Variants in HTT observed in about 807,000 individuals in gnomAD.
The protein encoded by HTT is huntington disease protein.
A neutral mutation model predicts 362.3 loss-of-function variants in HTT; 104 were observed. The observed-to-expected ratio is 0.29, with a 90% CI of 0.24 to 0.34. The LOEUF (loss-of-function observed/expected upper bound fraction) is 0.34, where lower values mean the gene tolerates loss of function less well. Among genes scored for constraint, HTT ranks in the 10% least tolerant of loss-of-function variants. The pLI, the probability that HTT is intolerant of heterozygous loss-of-function variation, is 1.00. For missense variants in HTT, 3,301 were observed against 3,928.6 expected (o/e 0.84, Z 4.27); for synonymous variants, 1,577 against 1,548.7 (o/e 1.02, Z -0.43).
At chr4:3,171,179 A>G (rs920531869) in intron 29 of HTT, among the ~76,000 whole-genome samples, 1 of 152,240 alleles carries the variant, frequency 6.6e-6, no homozygotes, top group Non-Finnish European at 1.5e-5. Context: ...TCTGACAAGA[A>G]CAACCTTAAA....
chr4:3,193,335 A>T (rs142791667), intron 40 of HTT, among the ~76,000 whole-genome samples: 1 of 152,374 alleles, frequency 6.6e-6, no homozygotes, highest in Admixed American at 6.5e-5. Flanking sequence ...TGACCACTGT[A>T]ATAAGTTTAA....
At chr4:3,226,129 A>G (rs984355189) in intron 57 of HTT, among the ~76,000 whole-genome samples, 1 of 152,014 alleles carries the variant, frequency 6.6e-6, no homozygotes, top group Non-Finnish European at 1.5e-5. Context: ...ATGAAGGGCC[A>G]TGGTATGGGG....
At position 3,089,444 on chromosome 4, in the gene HTT, G is replaced by A. The variant is rs776451614; in HGVS notation, c.347+2422G>A. On this transcript the variant is annotated intron_variant, in intron 2 of 66. Coordinates refer to ENST00000355072, the MANE Select transcript of HTT (RefSeq NM_001388492.1). Reference sequence around the variant, plus strand: ...AAATTTTTGTATTTTTAGTAGAGATGGGGTTTCACCGTGTTAGCCAGGATG... The same window carrying A: ...AAATTTTTGTATTTTTAGTAGAGATAGGGTTTCACCGTGTTAGCCAGGATG... Among the ~76,000 whole-genome samples the A allele has an allele frequency of 4.6e-5, 7 of 152,222 alleles. No homozygotes were observed. In the South Asian group the frequency reaches 1.2e-3, roughly 27 times the overall value.
chr4:3,089,444 G>T (rs776451614), intron 2 of HTT, among the ~76,000 whole-genome samples: 2 of 152,104 alleles, frequency 1.3e-5, no homozygotes, highest in South Asian at 4.2e-4. Flanking sequence ...TAGTAGAGAT[G>T]GGGTTTCACC....
At chr4:3,205,101 G>GT (rs2110267912) in intron 42 of HTT, among the ~76,000 whole-genome samples, 1 of 152,220 alleles carries the variant, frequency 6.6e-6, no homozygotes, top group East Asian at 1.9e-4. Flanking sequence ...ACTTGTGGGA[G>GT]TTTTTAACCA....
Position 3,132,717 on chromosome 4 carries a change from A to C in HTT, c.2392A>C (p.Thr798Pro), listed in dbSNP as rs1002253759. ...TTGGATGGGCACCATTAGAACCCTCACAGGTAACGGCCAGTTTTTCAGCTG... is the reference window on the plus strand; with the variant it reads ...TTGGATGGGCACCATTAGAACCCTCCCAGGTAACGGCCAGTTTTTCAGCTG... Reference protein sequence around the residue: ...GDWMGTIRTLTGNTFSLADCI... With the variant: ...GDWMGTIRTLPGNTFSLADCI... The change falls in exon 17 of 67, where the codon ACA becomes CCA. Residue 798 changes from threonine (T) to proline (P), a missense_variant. Physicochemically the swap from Thr to Pro is conservative, Grantham distance 38. Coordinates refer to ENST00000355072, the MANE Select transcript of HTT (RefSeq NM_001388492.1). 1 of 1,614,136 alleles carries C rather than the reference A, an allele frequency of 6.2e-7. No individual in the cohort carries two copies.
intron 40 of HTT, among the ~76,000 whole-genome samples, chr4:3,194,943 T>G (rs1199250625): frequency 6.6e-6 from 1 of 152,226 alleles, no homozygotes; most frequent in African/African-American, 2.4e-5. Context: ...TAATTTTAAT[T>G]ATCCCAGTTA....
intron 35 of HTT, 116 bp downstream of exon 35, chr4:3,178,562 G>A (rs1718351886): frequency 1.2e-6 from 1 of 841,884 alleles, no homozygotes; most frequent in Non-Finnish European, 1.9e-6. Flanking sequence ...CTCAGGCTCT[G>A]CATGTGTGTC....
At chr4:3,196,738 G>GAA (rs140945233) in intron 40 of HTT, among the ~76,000 whole-genome samples, 1 of 133,638 alleles carries the variant, frequency 7.5e-6, no homozygotes. Context: ...GACCCTGTCT[G>GAA]AAAAAAAAAA....
At chr4:3,203,523 G>A (rs1305400304) in intron 41 of HTT, among the ~76,000 whole-genome samples, 2 of 152,200 alleles carry the variant, frequency 1.3e-5, no homozygotes, top group African/African-American at 4.8e-5. Context: ...TAGTGGGGAA[G>A]AAGTGTTTTT....
At chr4:3,098,467 A>G (rs1454161619) in intron 2 of HTT, among the ~76,000 whole-genome samples, 2 of 152,216 alleles carry the variant, frequency 1.3e-5, no homozygotes, top group African/African-American at 4.8e-5. Flanking sequence ...GGGATTTGCT[A>G]TTCTTGGGAT....
chr4:3,181,489 G>A (rs1718523568), intron 36 of HTT, among the ~76,000 whole-genome samples: 1 of 152,160 alleles, frequency 6.6e-6, no homozygotes, highest in Non-Finnish European at 1.5e-5. Flanking sequence ...GGAAGGCTGA[G>A]TGCAGAAATC....
chr4:3,145,921 A>C (rs2110203534), intron 24 of HTT, among the ~76,000 whole-genome samples: 1 of 152,334 alleles, frequency 6.6e-6, no homozygotes, highest in South Asian at 2.1e-4. Flanking sequence ...GTTTCTAATC[A>C]TAGGTCTGGC....
intron 21 of HTT, among the ~76,000 whole-genome samples, chr4:3,139,157 T>A (rs932748918): frequency 6.6e-6 from 1 of 152,218 alleles, no homozygotes; most frequent in African/African-American, 2.4e-5. Flanking sequence ...ATTCAGAGAT[T>A]TTGCAGCTTT....
chr4:3,239,107 C>T, intron 66 of HTT, 129 bp downstream of exon 66: 1 of 975,852 alleles, frequency 1.0e-6, no homozygotes, highest in Non-Finnish European at 1.5e-6. Flanking sequence ...AGGCCCTCAG[C>T]CCCAGGGAAG....
At chr4:3,079,724 T>A (rs1712786984) in intron 1 of HTT, among the ~76,000 whole-genome samples, 2 of 152,148 alleles carry the variant, frequency 1.3e-5, no homozygotes, top group South Asian at 4.1e-4. Context: ...AGGAGTAGCA[T>A]GATCTGAATT....
chr4:3,235,297 C>CACAGCCAGCAGCACG lies in HTT; in HGVS notation c.8471_8485dup (p.His2828_Val2829insAspSerGlnGlnHis). On this transcript the variant is annotated inframe_insertion, in exon 62 of 67. Coordinates refer to ENST00000355072, the MANE Select transcript of HTT (RefSeq NM_001388492.1). Reference sequence around the variant, plus strand: ...TCCCGTTTTCAGCTGCGTGAACATTCACAGCCAGCAGCACGTACTGGTCAT... The same window carrying CACAGCCAGCAGCACG: ...TCCCGTTTTCAGCTGCGTGAACATTCACAGCCAGCAGCACGACAGCCAGCAGCACGTACTGGTCAT... 1 of 1,612,880 alleles carries CACAGCCAGCAGCACG rather than the reference C, an allele frequency of 6.2e-7. No individual in the cohort carries two copies. The highest frequency in any genetic ancestry group is 8.5e-7 in the Non-Finnish European group (1 of 1,178,956).
intron 26 of HTT, 113 bp from the exon 27 acceptor site, chr4:3,154,180 G>C: frequency 1.2e-6 from 1 of 816,500 alleles, no homozygotes. Context: ...TGAGTGACAT[G>C]GGTTAGCTCT....
At chr4:3,101,715 G>C (rs536327288) in intron 3 of HTT, among the ~76,000 whole-genome samples, 1 of 152,328 alleles carries the variant, frequency 6.6e-6, no homozygotes, top group Admixed American at 6.5e-5. Context: ...CTGGCAGCAT[G>C]CCTCCCTCAG....
Sources: gnomAD v4.1 joint callset for allele counts (sites outside exome capture counted in the v4.1 genomes callset) on GRCh38, gnomAD v4.1.1 for gene constraint, MANE v1.5 for transcripts, NCBI Gene and HGNC (gene_info 2026-07-23, HGNC 2026-07-21) for gene names.